Variants in UNC5C observed in about 807,000 individuals in gnomAD.
UNC5C encodes netrin receptor UNC5C.
Under a neutral mutation model 99.8 loss-of-function variants are expected in UNC5C, and 47 were observed. That is an observed-to-expected ratio of 0.47 (90% CI 0.37 to 0.60). The LOEUF is 0.60. UNC5C is among the 20% of genes least tolerant of loss of function. The pLI, the probability that UNC5C is intolerant of heterozygous loss-of-function variation, is 0.00. For synonymous variants in UNC5C, 487 were observed against 452.2 expected, an observed-to-expected ratio of 1.08 and a Z score of -0.98; for missense variants, 1,062 against 1,165.9, an observed-to-expected ratio of 0.91 and a Z score of 1.30.
At chr4:95,436,349 C>A (rs6852323) in intron 1 of UNC5C, among the ~76,000 whole-genome samples, 5,678 of 151,788 alleles carry the variant, frequency 0.037, 349 homozygotes, top group African/African-American at 0.13. Flanking sequence ...GAGGTGGACT[C>A]TGAAATATTT....
intron 1 of UNC5C, among the ~76,000 whole-genome samples, chr4:95,396,568 C>T (rs1025349947): frequency 1.3e-5 from 2 of 152,060 alleles, no homozygotes; most frequent in East Asian, 1.9e-4. Flanking sequence ...GCCTGAAAAC[C>T]GAGCTGGCAG....
intron 8 of UNC5C, among the ~76,000 whole-genome samples, chr4:95,219,691 T>G (rs1374645127): frequency 6.6e-6 from 1 of 152,028 alleles, no homozygotes; most frequent in Non-Finnish European, 1.5e-5. Flanking sequence ...AGATATCTTG[T>G]CAAAGGAAGT....
intron 1 of UNC5C, among the ~76,000 whole-genome samples, chr4:95,458,808 G>C (rs1747515042): frequency 6.6e-6 from 1 of 151,956 alleles, no homozygotes; most frequent in Non-Finnish European, 1.5e-5. Context: ...AGTAAGTGCT[G>C]TTATTACTAT....
chr4:95,244,123 T>C (rs1163568430), intron 6 of UNC5C, among the ~76,000 whole-genome samples: 1 of 152,040 alleles, frequency 6.6e-6, no homozygotes, highest in East Asian at 1.9e-4. Flanking sequence ...CATGACCAAA[T>C]TAGGCAAAAA....
intron 1 of UNC5C, among the ~76,000 whole-genome samples, chr4:95,385,492 C>A (rs17437749): frequency 0.034 from 5,201 of 152,110 alleles, 152 homozygotes; most frequent in Non-Finnish European, 0.051. Context: ...TGTATTATTC[C>A]AAGATTCTAC....
intron 1 of UNC5C, among the ~76,000 whole-genome samples, chr4:95,420,766 T>C (rs927043731): frequency 3.9e-5 from 6 of 152,088 alleles, no homozygotes; most frequent in African/African-American, 1.4e-4. Flanking sequence ...TACATGAGAC[T>C]CAAAGAAGGA....
intron 1 of UNC5C, among the ~76,000 whole-genome samples, chr4:95,454,085 G>C (rs1747362077): frequency 6.6e-6 from 1 of 151,954 alleles, no homozygotes; most frequent in Non-Finnish European, 1.5e-5. Context: ...AGATGGGGTG[G>C]TAGTTGCACA....
intron 1 of UNC5C, among the ~76,000 whole-genome samples, chr4:95,394,977 G>A (rs998994499): frequency 3.3e-5 from 5 of 152,208 alleles, no homozygotes; most frequent in African/African-American, 1.2e-4. Context: ...CATTGCTCAA[G>A]TAGGTCAACT....
chr4:95,435,958 T>C (rs1746772733), intron 1 of UNC5C, among the ~76,000 whole-genome samples: 1 of 152,102 alleles, frequency 6.6e-6, no homozygotes, highest in Non-Finnish European at 1.5e-5. Context: ...TTTTGCATAG[T>C]GAGATAAATT....
intron 1 of UNC5C, among the ~76,000 whole-genome samples, chr4:95,532,265 C>T (rs1473945442): frequency 1.3e-5 from 2 of 152,084 alleles, no homozygotes; most frequent in African/African-American, 4.8e-5. Flanking sequence ...GAAGCACTCA[C>T]TCCTGAGATA....
chr4:95,382,601 T>C (rs749229498), intron 1 of UNC5C, among the ~76,000 whole-genome samples: 8 of 152,188 alleles, frequency 5.3e-5, no homozygotes, highest in Non-Finnish European at 1.0e-4. Flanking sequence ...ATGAGAAAAC[T>C]GGCACTCAAA....
At chr4:95,180,499 C>T (rs973905673) in intron 14 of UNC5C, among the ~76,000 whole-genome samples, 1 of 151,996 alleles carries the variant, frequency 6.6e-6, no homozygotes, top group Non-Finnish European at 1.5e-5. Context: ...AGTTAGTCTT[C>T]CAGACATTTT....
intron 7 of UNC5C, among the ~76,000 whole-genome samples, chr4:95,234,735 G>A (rs1009871860): frequency 9.2e-5 from 14 of 152,042 alleles, no homozygotes; most frequent in East Asian, 7.7e-4. Context: ...TATCTCCAGC[G>A]TAGGAACTAC....
chr4:95,469,662 T>A (rs1421392638), intron 1 of UNC5C, among the ~76,000 whole-genome samples: 1 of 152,180 alleles, frequency 6.6e-6, no homozygotes, highest in African/African-American at 2.4e-5. Flanking sequence ...AGCTATGGTA[T>A]ATATCATGCA....
chr4:95,429,325 G>C (rs1746571973), intron 1 of UNC5C, among the ~76,000 whole-genome samples: 1 of 149,070 alleles, frequency 6.7e-6, no homozygotes, highest in South Asian at 2.1e-4. Context: ...CCAACAAATT[G>C]GAATTTTACC....
At chr4:95,515,387 G>T (rs1378915571) in intron 1 of UNC5C, among the ~76,000 whole-genome samples, 2 of 152,148 alleles carry the variant, frequency 1.3e-5, no homozygotes, top group African/African-American at 4.8e-5. Flanking sequence ...ACACTTAGTA[G>T]GTAATACTGA....
intron 1 of UNC5C, among the ~76,000 whole-genome samples, chr4:95,377,826 T>G (rs1744940411): frequency 6.6e-6 from 1 of 152,174 alleles, no homozygotes; most frequent in Admixed American, 6.6e-5. Flanking sequence ...GGATTTGGTC[T>G]TTTAAAGTCA....
intron 1 of UNC5C, among the ~76,000 whole-genome samples, chr4:95,493,335 G>C (rs1485010284): frequency 6.6e-6 from 1 of 151,314 alleles, no homozygotes; most frequent in African/African-American, 2.4e-5. Context: ...GGAAAACTGG[G>C]AGCACAACAA....
chr4:95,380,807 C>G (rs1191108163), intron 1 of UNC5C, among the ~76,000 whole-genome samples: 1 of 152,080 alleles, frequency 6.6e-6, no homozygotes, highest in Non-Finnish European at 1.5e-5. Context: ...TAAGCATTTA[C>G]CTTCAGTTTT....
Sources: allele counts gnomAD v4.1 joint callset (sites outside exome capture counted in the v4.1 genomes callset), GRCh38; gene constraint gnomAD v4.1.1; transcripts MANE v1.5; gene names NCBI Gene and HGNC (gene_info 2026-07-23, HGNC 2026-07-21).